RNF19A: variants seen among roughly 807,000 people sequenced by gnomAD.
RNF19A encodes ring finger protein 19A, RBR E3 ubiquitin protein ligase.
RNF19A carries 32 observed loss-of-function variants against 75.7 expected under a neutral mutation model. The ratio of observed to expected loss-of-function variants is 0.42; its 90% CI spans 0.32 to 0.57. The LOEUF (loss-of-function observed/expected upper bound fraction) is 0.57. Ranked by LOEUF, RNF19A falls within the 20% of genes least tolerant of loss-of-function variation. RNF19A has a pLI of 0.10. For missense variants in RNF19A, 782 were observed against 1,036.3 expected (o/e 0.75, Z 3.37); for synonymous variants, 335 against 345.2 (o/e 0.97, Z 0.33).
At chr8:100,272,831 T>C (rs2129661531) in intron 3 of RNF19A, among the ~76,000 whole-genome samples, 1 of 146,092 alleles carries the variant, frequency 6.8e-6, no homozygotes, top group South Asian at 2.3e-4. Context: ...ATTATAGGCA[T>C]AAGCCACTGC....
chr8:100,313,038 T>A (rs956469694), upstream of RNF19A, among the ~76,000 whole-genome samples: 2 of 152,242 alleles, frequency 1.3e-5, no homozygotes, highest in African/African-American at 4.8e-5. Flanking sequence ...CCCACTGGAA[T>A]ACTGCAAAAG....
rs560964124 is a variant in RNF19A at position 100,268,627 on chromosome 8, A to C, written c.1191+158T>G. On this transcript the variant is annotated intron_variant, in intron 5 of 9. Transcript: ENST00000341084. ...TATATATGCTTGCCAAACACTAAAA[A>C]TTTATGAAAAAAGAGTAACTGTTTT... 3.7e-5 allele frequency: 16 copies of C among 431,348 alleles called. No individual in the cohort carries two copies. The East Asian group carries it at 4.6e-4, about 12-fold the overall frequency. 26.7% of individuals were successfully genotyped at this position (431,348 alleles called of 1,614,324 possible). A position where few individuals can be genotyped will look rare whatever the true frequency, so the allele number is the denominator to read the frequency against.
At chr8:100,310,991 A>G (rs1022499436), upstream of RNF19A, among the ~76,000 whole-genome samples, 1 of 152,234 alleles carries the variant, frequency 6.6e-6, no homozygotes, top group African/African-American at 2.4e-5. Context: ...CAAGATTTAG[A>G]TCACTCTAAC....
At chr8:100,294,648 A>C (rs532735698) in intron 1 of RNF19A, among the ~76,000 whole-genome samples, 2 of 152,198 alleles carry the variant, frequency 1.3e-5, no homozygotes, top group South Asian at 4.1e-4. Flanking sequence ...GCCCTACACT[A>C]CATAGACTTT....
At chr8:100,295,545 C>CTT (rs1821515334) in intron 1 of RNF19A, among the ~76,000 whole-genome samples, 1 of 152,148 alleles carries the variant, frequency 6.6e-6, no homozygotes, top group Middle Eastern at 3.2e-3. Flanking sequence ...TCTGGTGCTA[C>CTT]ATAAACGTTC....
intron 1 of RNF19A, chr8:100,303,442 TAA>T (rs1302794517): frequency 1.3e-5 from 2 of 152,138 alleles, no homozygotes; most frequent in Non-Finnish European, 2.9e-5. Flanking sequence ...ATTCTTAACT[TAA>T]TTACATCTGC....
intron 2 of RNF19A, among the ~76,000 whole-genome samples, chr8:100,277,513 C>G (rs1030618853): frequency 6.6e-6 from 1 of 152,122 alleles, no homozygotes; most frequent in Non-Finnish European, 1.5e-5. Flanking sequence ...GGGGTTTCAC[C>G]GTGTTAGCCA....
intron 1 of RNF19A, among the ~76,000 whole-genome samples, chr8:100,316,996 T>C (rs2439453): frequency 0.46 from 70,213 of 152,076 alleles, 17,169 homozygotes; most frequent in African/African-American, 0.63. Context: ...CCCAGTACAC[T>C]CTCCGCAGCC....
chr8:100,326,618 C>G (rs1822537138), intron 1 of RNF19A, among the ~76,000 whole-genome samples: 1 of 152,176 alleles, frequency 6.6e-6, no homozygotes, highest in African/African-American at 2.4e-5. Context: ...CCCTTATCCA[C>G]CTTTGTCCCA....
In RNF19A at chr8:100,288,283, TA is replaced by T. The variant is rs769819408; in HGVS notation, c.-93-17del. ...CATGGATGTTCTGAAAAATAAAAAA[TA>T]AAAAAATCAAGATCATTTAATTGTA... On this transcript the variant is annotated splice_polypyrimidine_tract_variant and intron_variant, in intron 1 of 9. Coordinates refer to ENST00000341084, the MANE Select transcript of RNF19A (RefSeq NM_183419.4). The T allele has an allele frequency of 1.5e-6, 2 of 1,314,916 alleles. No homozygotes were observed. The highest frequency in any genetic ancestry group is 1.5e-5 in the African/African-American group (1 of 66,928). The allele number at this position is 1,314,916 out of a possible 1,614,324, so 81.5% of individuals were successfully genotyped here.
chr8:100,263,779 CA>C (rs1476816765), intron 7 of RNF19A, among the ~76,000 whole-genome samples: 1 of 152,034 alleles, frequency 6.6e-6, no homozygotes, highest in Admixed American at 6.6e-5. Context: ...ATGTTTCAGG[CA>C]AAATTTAAGA....
At chr8:100,316,244 G>A (rs530815079) in intron 1 of RNF19A, among the ~76,000 whole-genome samples, 7 of 152,214 alleles carry the variant, frequency 4.6e-5, no homozygotes, top group South Asian at 4.2e-4. Flanking sequence ...AGACCTTCGC[G>A]GTGAGTGTTA....
chr8:100,263,945 T>A lies in RNF19A; in HGVS notation c.1468+89A>T, dbSNP rs535888527. ...ATTAGGCCTAGTAAAAGGATGGCAA[T>A]GGAAATTCTGAGTTGCATGTTATCT... On this transcript the variant is annotated intron_variant, in intron 7 of 9. Transcript: ENST00000341084. The A allele has an allele frequency of 5.5e-6, 6 of 1,100,694 alleles. No homozygotes were observed. In the South Asian group the frequency reaches 8.9e-5, roughly 16 times the overall value. 68.2% of individuals were successfully genotyped at this position (1,100,694 alleles called of 1,614,324 possible). A position where few individuals can be genotyped will look rare whatever the true frequency, so the allele number is the denominator to read the frequency against.
intron 1 of RNF19A, among the ~76,000 whole-genome samples, chr8:100,319,111 G>T (rs1418520206): frequency 6.6e-6 from 1 of 152,156 alleles, no homozygotes; most frequent in Non-Finnish European, 1.5e-5. Flanking sequence ...TCATTTTGGA[G>T]GATACATGGA....
At chr8:100,310,900 A>G (rs1451701417), upstream of RNF19A, among the ~76,000 whole-genome samples, 3 of 152,124 alleles carry the variant, frequency 2.0e-5, no homozygotes, top group East Asian at 3.8e-4. Flanking sequence ...GAATGTTTCA[A>G]TCTACACTAG....
intron 7 of RNF19A, among the ~76,000 whole-genome samples, chr8:100,263,340 G>A (rs1425669932): frequency 1.3e-5 from 2 of 152,168 alleles, no homozygotes; most frequent in Non-Finnish European, 2.9e-5. Context: ...ATACTGTTAA[G>A]ATGAGGACCA....
chr8:100,265,280 ATT>A (rs896097973), intron 5 of RNF19A, among the ~76,000 whole-genome samples: 1 of 152,100 alleles, frequency 6.6e-6, no homozygotes, highest in Non-Finnish European at 1.5e-5. Context: ...AAACAGTATT[ATT>A]TTTTTCTCAG....
At chr8:100,293,487 T>C (rs1451873387) in intron 1 of RNF19A, among the ~76,000 whole-genome samples, 2 of 152,248 alleles carry the variant, frequency 1.3e-5, no homozygotes, top group South Asian at 4.1e-4. Flanking sequence ...TTAATTCCCC[T>C]GTACATAATG....
At position 100,259,081 on chromosome 8, in the gene RNF19A, G is replaced by C. The variant is rs748773619; in HGVS notation, c.1992C>G (p.Ser664=). 1 of 1,613,726 alleles carries C rather than the reference G, an allele frequency of 6.2e-7. No individual in the cohort carries two copies. Among genetic ancestry groups the C allele is most frequent in the Non-Finnish European group, 8.5e-7 (1 of 1,179,974 alleles). Residue 664 remains serine, a synonymous_variant, in exon 10 of 10, where the codon TCC becomes TCG. Coordinates refer to ENST00000341084, the MANE Select transcript of RNF19A (RefSeq NM_183419.4). This position sits in a 1 kb window ranked among gnomAD's most constrained non-coding sequence, Gnocchi z 4.5. ...ATTTTTTCCCTGCTGTTGCTTCTTT[G>C]GACCACTTGGTGGCACTAGATTTAC... is the stretch of plus-strand genomic sequence containing the variant. ...PEGKSSATKW[S]KEATAGKKSK...
Sources: allele counts gnomAD v4.1 joint callset (sites outside exome capture counted in the v4.1 genomes callset), GRCh38; gene constraint gnomAD v4.1.1; non-coding constraint Gnocchi (gnomAD v3.1); transcripts MANE v1.5; gene names NCBI Gene and HGNC (gene_info 2026-07-23, HGNC 2026-07-21).